Variants in TMEM17 observed in about 807,000 individuals in gnomAD.
TMEM17 encodes transmembrane protein 17.
TMEM17 carries 15 observed loss-of-function variants against 19.1 expected under a neutral mutation model. The observed-to-expected ratio is 0.78, with a 90% CI of 0.52 to 1.21. The LOEUF is 1.21. Ranked by LOEUF, TMEM17 falls within the 50% of genes most tolerant of loss-of-function variation. The pLI, the probability that TMEM17 is intolerant of heterozygous loss-of-function variation, is 0.00. For missense variants in TMEM17, 245 were observed against 242.3 expected, an observed-to-expected ratio of 1.01 and a Z score of -0.07; for synonymous variants, 103 against 86.9, an observed-to-expected ratio of 1.19 and a Z score of -1.03.
chr2:62,454,735 A>G, the TMEM17 span, among the ~76,000 whole-genome samples: 17 of 152,200 alleles, frequency 1.1e-4, no homozygotes, highest in East Asian at 9.7e-4. Flanking sequence ...ATGGAGTCTC[A>G]CTCTGTCGCC....
chr2:62,466,154 T>G, the TMEM17 span, among the ~76,000 whole-genome samples: 1 of 152,112 alleles, frequency 6.6e-6, no homozygotes, highest in Non-Finnish European at 1.5e-5. Flanking sequence ...TCTGAAAAGT[T>G]TTCTAGGAGT....
downstream of TMEM17, among the ~76,000 whole-genome samples, chr2:62,497,068 GAAAAA>G (rs1325867747): frequency 2.6e-5 from 4 of 152,246 alleles, no homozygotes; most frequent in East Asian, 7.7e-4. Flanking sequence ...AGATGAATTA[GAAAAA>G]AGACCCTCCT....
In TMEM17 at chr2:62,501,073, C is replaced by G; in HGVS notation, c.*136G>C. ...ACTGTACAAAGTTTCATCATTGCCC[C>G]CAACCTTGGAATTTCAGAGTGAGAG... On this transcript the variant is annotated 3_prime_UTR_variant, in exon 4 of 4. Transcript: ENST00000335390. 6 of 1,017,084 alleles carry G rather than the reference C, an allele frequency of 5.9e-6. 1 individual carries two copies. The South Asian group carries it at 8.6e-5, about 15-fold the overall frequency. The allele number at this position is 1,017,084 out of a possible 1,614,324, so 63.0% of individuals were successfully genotyped here.
chr2:62,481,472 A>C, the TMEM17 span, among the ~76,000 whole-genome samples: 1 of 152,042 alleles, frequency 6.6e-6, no homozygotes, highest in African/African-American at 2.4e-5. Context: ...TACTATGTTG[A>C]ATAAGAGTGG....
the TMEM17 span, among the ~76,000 whole-genome samples, chr2:62,483,472 C>A: frequency 6.6e-6 from 1 of 152,144 alleles, no homozygotes; most frequent in Non-Finnish European, 1.5e-5. Flanking sequence ...TTTGCATTCT[C>A]CGTATGGAGG....
rs987472323 is a variant in TMEM17, at chr2:62,501,079, T to C, written c.*130A>G. The C allele has an allele frequency of 2.8e-6, 3 of 1,077,020 alleles. No homozygotes were observed. The highest frequency in any genetic ancestry group is 4.0e-6 in the Non-Finnish European group (3 of 753,582). The allele number at this position is 1,077,020 out of a possible 1,614,324, so 66.7% of individuals were successfully genotyped here. On this transcript the variant is annotated 3_prime_UTR_variant, in exon 4 of 4. Transcript: ENST00000335390. Reference sequence around the variant, plus strand: ...CAAAGTTTCATCATTGCCCCCAACCTTGGAATTTCAGAGTGAGAGCATATA... The same window carrying C: ...CAAAGTTTCATCATTGCCCCCAACCCTGGAATTTCAGAGTGAGAGCATATA...
chr2:62,456,139 G>A, the TMEM17 span, among the ~76,000 whole-genome samples: 2 of 152,216 alleles, frequency 1.3e-5, no homozygotes, highest in East Asian at 1.9e-4. Context: ...AGAGAGTAAA[G>A]GGTCATGTAT....
At chr2:62,466,859 G>A in the TMEM17 span, among the ~76,000 whole-genome samples, 84 of 152,316 alleles carry the variant, frequency 5.5e-4, no homozygotes, top group Non-Finnish European at 8.1e-4. Flanking sequence ...AGCTGCATGC[G>A]GGGCCATGGA....
At chr2:62,492,454 T>G in the TMEM17 span, among the ~76,000 whole-genome samples, 1 of 152,220 alleles carries the variant, frequency 6.6e-6, no homozygotes, top group Non-Finnish European at 1.5e-5. Flanking sequence ...CCAGCAAAAT[T>G]TGAGCATTTA....
At chr2:62,455,003 C>G in the TMEM17 span, among the ~76,000 whole-genome samples, 1 of 152,174 alleles carries the variant, frequency 6.6e-6, no homozygotes, top group Non-Finnish European at 1.5e-5. Flanking sequence ...CTGTGCCCAG[C>G]CGAGACCCAG....
chr2:62,473,951 C>T, the TMEM17 span, among the ~76,000 whole-genome samples: 1 of 152,046 alleles, frequency 6.6e-6, no homozygotes, highest in Non-Finnish European at 1.5e-5. Flanking sequence ...GTGTGAGTCT[C>T]CTGAACAGAG....
chr2:62,461,424 G>A, the TMEM17 span, among the ~76,000 whole-genome samples: 2 of 152,168 alleles, frequency 1.3e-5, no homozygotes, highest in African/African-American at 2.4e-5. Context: ...CCCTGCTAGT[G>A]TCCTGCTTGG....
downstream of TMEM17, among the ~76,000 whole-genome samples, chr2:62,499,752 C>T (rs72805586): frequency 0.12 from 18,838 of 152,068 alleles, 1,330 homozygotes; most frequent in Non-Finnish European, 0.16. Flanking sequence ...AACTGTCCCT[C>T]AGTAAAATAC....
At chr2:62,497,738 A>AC (rs1339553632), downstream of TMEM17, among the ~76,000 whole-genome samples, 1 of 152,122 alleles carries the variant, frequency 6.6e-6, no homozygotes. Flanking sequence ...AATACTGCCT[A>AC]CCCCCCTCAG....
chr2:62,481,108 T>C, the TMEM17 span, among the ~76,000 whole-genome samples: 26 of 152,320 alleles, frequency 1.7e-4, no homozygotes, highest in Admixed American at 1.5e-3. Context: ...ATTTATTTCA[T>C]CAGTTTTGTA....
chr2:62,501,509 G>T, intron 3 of TMEM17, 22 bp from the exon 4 acceptor site: 1 of 1,591,754 alleles, frequency 6.3e-7, no homozygotes, highest in South Asian at 1.1e-5. Context: ...CATATCAAGA[G>T]TAATAAAAAT....
At chr2:62,470,443 G>A in the TMEM17 span, among the ~76,000 whole-genome samples, 2 of 152,222 alleles carry the variant, frequency 1.3e-5, no homozygotes, top group Admixed American at 1.3e-4. Context: ...GCCCTCAGAG[G>A]GATAAACATT....
At chr2:62,463,994 C>G in the TMEM17 span, 2 of 152,210 alleles carry the variant, frequency 1.3e-5, no homozygotes, top group Admixed American at 6.5e-5. Flanking sequence ...GACCTACCCC[C>G]CCATCCCCTT....
chr2:62,453,705 T>C, the TMEM17 span, among the ~76,000 whole-genome samples: 2,016 of 152,332 alleles, frequency 0.013, 47 homozygotes, highest in African/African-American at 0.047. Context: ...CTCTTAAAAG[T>C]GGGGCTATTC....
Sources: gnomAD v4.1 joint callset for allele counts (sites outside exome capture counted in the v4.1 genomes callset) on GRCh38, gnomAD v4.1.1 for gene constraint, MANE v1.5 for transcripts, NCBI Gene and HGNC (gene_info 2026-07-23, HGNC 2026-07-21) for gene names.